FAM161A: variants seen among roughly 807,000 people sequenced by gnomAD.
FAM161A encodes FAM161 centrosomal protein A.
Under a neutral mutation model 70.9 loss-of-function variants are expected in FAM161A, and 57 were observed. That is an observed-to-expected ratio of 0.80 (90% CI 0.65 to 1.00). The LOEUF is 1.00. Among genes scored for constraint, FAM161A ranks in the 50% least tolerant of loss-of-function variants. The pLI is 0.00. For synonymous variants in FAM161A, 299 were observed against 295.7 expected (o/e 1.01, Z -0.12); for missense variants, 880 against 836.0 (o/e 1.05, Z -0.65).
chr2:61,849,726 A>G (rs981290723), intron 1 of FAM161A, among the ~76,000 whole-genome samples: 1 of 149,440 alleles, frequency 6.7e-6, no homozygotes. Context: ...CACAGGTCTC[A>G]TTGAGCCGAG....
At chr2:61,804,361 A>G in the FAM161A span, among the ~76,000 whole-genome samples, 2 of 152,082 alleles carry the variant, frequency 1.3e-5, no homozygotes, top group African/African-American at 2.4e-5. Flanking sequence ...AATACAGCCC[A>G]GTAGGTCTCA....
intron 2 of FAM161A, among the ~76,000 whole-genome samples, chr2:61,841,114 C>A (rs1018448079): frequency 2.0e-5 from 3 of 152,172 alleles, no homozygotes; most frequent in Non-Finnish European, 4.4e-5. Context: ...GGCAGAGGGT[C>A]CTTGTGTCTA....
the FAM161A span, among the ~76,000 whole-genome samples, chr2:61,801,705 C>A: frequency 6.6e-6 from 1 of 151,762 alleles, no homozygotes; most frequent in Non-Finnish European, 1.5e-5. Flanking sequence ...GGATTATAGA[C>A]ACGTGCCACC....
chr2:61,816,661 G>C, the FAM161A span, among the ~76,000 whole-genome samples: 1 of 152,034 alleles, frequency 6.6e-6, no homozygotes, highest in Admixed American at 6.6e-5. Flanking sequence ...CGGGGCGGGG[G>C]GGTCTTGCTA....
chr2:61,803,112 A>C, the FAM161A span: 1 of 416,632 alleles, frequency 2.4e-6, no homozygotes, highest in Admixed American at 3.3e-5. Flanking sequence ...TATCCTAACT[A>C]GAAAGTTCAT....
At position 61,826,461 on chromosome 2, in the gene FAM161A, T is replaced by A. The variant is rs773397179; in HGVS notation, c.2145A>T (p.Ser715=). 6.2e-7 allele frequency: 1 copy of A among 1,611,364 alleles called. No homozygotes were observed. Among genetic ancestry groups the A allele is most frequent in the Non-Finnish European group, 8.5e-7 (1 of 1,178,430 alleles). The change falls in exon 7 of 7, where the codon TCA becomes TCT. Residue 715 remains serine (S), a synonymous_variant. Transcript: ENST00000404929. ...ESEEEKSVEE[S]H ...GAGAGGAGACCTTGATGATTCAGTGTGATTCTTCAACAGATTTCTCTTCTT... is the reference window on the plus strand; with the variant it reads ...GAGAGGAGACCTTGATGATTCAGTGAGATTCTTCAACAGATTTCTCTTCTT...
rs200813667 is a variant in FAM161A at position 61,839,919 on chromosome 2, C to G, written c.1085G>C (p.Arg362Pro). Residue 362 changes from arginine to proline, a missense_variant, in exon 3 of 7, where the codon CGA (arginine) becomes CCA (proline). By Grantham distance (103) the Arg-to-Pro change is moderately radical. Transcript: ENST00000404929. ...TNRFKARPIP[R>P]STYGSTTNDK... ...ATTGGTAGTTGAACCATAAGTAGATCGAGGAATGGGTCTGGCTTTAAATCG... is the reference window on the plus strand; with the variant it reads ...ATTGGTAGTTGAACCATAAGTAGATGGAGGAATGGGTCTGGCTTTAAATCG... 2 of 1,614,150 alleles carry G rather than the reference C, an allele frequency of 1.2e-6. No homozygotes were observed. The highest frequency in any genetic ancestry group is 2.2e-5 in the South Asian group (2 of 91,084).
the FAM161A span, chr2:61,803,259 A>C: frequency 3.2e-6 from 2 of 623,322 alleles, no homozygotes; most frequent in South Asian, 2.9e-5. Flanking sequence ...TTGCATTCAG[A>C]ACTCATGCTG....
At chr2:61,813,718 CAA>C in the FAM161A span, among the ~76,000 whole-genome samples, 25 of 86,974 alleles carry the variant, frequency 2.9e-4, no homozygotes, top group Non-Finnish European at 2.8e-4. Flanking sequence ...GACCCTGTCT[CAA>C]AAAAAAAAAA....
chr2:61,833,641 A>C (rs1041873017), intron 5 of FAM161A, among the ~76,000 whole-genome samples: 5 of 152,182 alleles, frequency 3.3e-5, no homozygotes, highest in African/African-American at 1.2e-4. Flanking sequence ...AAGCTAGTAG[A>C]TAGAGTCTGT....
the FAM161A span, among the ~76,000 whole-genome samples, chr2:61,815,389 G>A: frequency 6.6e-6 from 1 of 152,056 alleles, no homozygotes; most frequent in African/African-American, 2.4e-5. Flanking sequence ...CCGCCTCAAG[G>A]GAGGGGACAA....
chr2:61,808,400 G>A, the FAM161A span, among the ~76,000 whole-genome samples: 13 of 151,946 alleles, frequency 8.6e-5, no homozygotes, highest in East Asian at 2.3e-3. Context: ...TGCCTCCCAA[G>A]TAGCTGGGGC....
Position 61,825,227 on chromosome 2 carries a change from A to T in FAM161A, c.*1228T>A, listed in dbSNP as rs1295770922. ...TTAAAACAAAAATTTGCTTAAAGAA[A>T]AAAATATAGATTTATAAAATCAGAT... On this transcript the variant is annotated 3_prime_UTR_variant, in exon 7 of 7. Coordinates refer to ENST00000404929, the MANE Select transcript of FAM161A (RefSeq NM_001201543.2). 1 of 439,456 alleles carries T rather than the reference A, an allele frequency of 2.3e-6. No individual in the cohort carries two copies. Among genetic ancestry groups the T allele is most frequent in the South Asian group, 1.7e-5 (1 of 59,608 alleles). The allele number at this position is 439,456 out of a possible 1,614,324, so 27.2% of individuals were successfully genotyped here.
downstream of FAM161A, among the ~76,000 whole-genome samples, chr2:61,823,386 T>TATATATATA (rs1558470704): frequency 5.2e-5 from 7 of 135,106 alleles, no homozygotes; most frequent in South Asian, 2.4e-4. Context: ...TATATATATA[T>TATATATATA]TGAGTCAGGG....
the FAM161A span, chr2:61,803,179 G>A: frequency 1.9e-6 from 1 of 520,480 alleles, no homozygotes; most frequent in South Asian, 1.7e-5. Flanking sequence ...GAAGGCAACA[G>A]TGCCTAAGAC....
chr2:61,811,371 T>A, the FAM161A span, among the ~76,000 whole-genome samples: 5 of 151,970 alleles, frequency 3.3e-5, no homozygotes, highest in South Asian at 4.2e-4. Context: ...CTAATTTTTT[T>A]ATTTTATTTA....
At chr2:61,815,013 G>A in the FAM161A span, among the ~76,000 whole-genome samples, 1 of 152,120 alleles carries the variant, frequency 6.6e-6, no homozygotes, top group Non-Finnish European at 1.5e-5. Flanking sequence ...GATCAGCTCC[G>A]TTTATCCAAA....
At chr2:61,843,969 C>T (rs1157822018) in intron 1 of FAM161A, among the ~76,000 whole-genome samples, 2 of 151,976 alleles carry the variant, frequency 1.3e-5, no homozygotes, top group East Asian at 1.9e-4. Flanking sequence ...TGGCAAAACC[C>T]CATCTCTACT....
At chr2:61,807,633 A>ATTTTTTTTT in the FAM161A span, among the ~76,000 whole-genome samples, 10 of 113,326 alleles carry the variant, frequency 8.8e-5, no homozygotes, top group African/African-American at 2.5e-4. Flanking sequence ...TGGACTCCAG[A>ATTTTTTTTT]TTTTTTTTTT....
Sources: allele counts gnomAD v4.1 joint callset (sites outside exome capture counted in the v4.1 genomes callset), GRCh38; gene constraint gnomAD v4.1.1; transcripts MANE v1.5; gene names NCBI Gene and HGNC (gene_info 2026-07-23, HGNC 2026-07-21).